Variants in AGBL5 observed in about 807,000 individuals in gnomAD.
AGBL5 encodes the protein cytosolic carboxypeptidase-like protein 5.
Under a neutral mutation model 88.0 loss-of-function variants are expected in AGBL5, and 51 were observed. The observed-to-expected ratio is 0.58, with a 90% CI of 0.46 to 0.73. AGBL5 has a LOEUF of 0.73. Ranked by LOEUF, AGBL5 falls within the 30% of genes least tolerant of loss-of-function variation. The pLI is 0.00. For missense variants in AGBL5, 1,031 were observed against 1,162.2 expected, an observed-to-expected ratio of 0.89 and a Z score of 1.64; for synonymous variants, 446 against 438.8, an observed-to-expected ratio of 1.02 and a Z score of -0.21.
At chr2:27,063,331 G>A (rs868720989) in intron 11 of AGBL5, among the ~76,000 whole-genome samples, 16 of 152,306 alleles carry the variant, frequency 1.1e-4, no homozygotes, top group African/African-American at 3.4e-4. Context: ...GGTGGCTCAC[G>A]CCTGTAATCC....
At position 27,068,935 on chromosome 2, in the gene AGBL5, C is replaced by T. The variant is rs149610183; in HGVS notation, c.2355+191C>T. On this transcript the variant is annotated intron_variant, in intron 13 of 14. Coordinates refer to ENST00000360131, the MANE Select transcript of AGBL5 (RefSeq NM_021831.6). ...CCTGCCCTCCACCATCCCCATCAGC[C>T]AGGTCATTTGCTTGCTTTCAACCTG... The T allele has an allele frequency of 5.7e-4, 858 of 1,496,994 alleles. 5 individuals are homozygous for T. In the African/African-American group the frequency reaches 0.01, roughly 18 times the overall value. 92.7% of individuals were successfully genotyped at this position (1,496,994 alleles called of 1,614,324 possible).
In AGBL5 at chr2:27,057,408, C is replaced by T. The variant is rs1668493229; in HGVS notation, c.1641C>T (p.Pro547=). ...RASPPPPPAF[P]SRYTVELFEQ... Reference sequence around the variant, plus strand: ...GCCCCCCTCCCCCGCCGGCTTTCCCCTCCAGATACACTGTGGAACTATTTG... The same window carrying T: ...GCCCCCCTCCCCCGCCGGCTTTCCCTTCCAGATACACTGTGGAACTATTTG... Residue 547 remains proline, a synonymous_variant, in exon 9 of 15, where the codon CCC becomes CCT. Coordinates refer to ENST00000360131, the MANE Select transcript of AGBL5 (RefSeq NM_021831.6). The T allele has an allele frequency of 1.2e-6, 2 of 1,613,658 alleles. No homozygotes were observed.
Position 27,053,288 on chromosome 2 carries a change from C to T in AGBL5, c.216-114C>T. On this transcript the variant is annotated intron_variant, in intron 2 of 14. Coordinates refer to ENST00000360131, the MANE Select transcript of AGBL5 (RefSeq NM_021831.6). This position sits in a 1 kb window ranked among gnomAD's most constrained non-coding sequence, Gnocchi z 4.9. ...CCTGTCCATTTCTGACCCATCGTCC[C>T]TCCTTTCTCCTTGCCAAATAGCCCT... The T allele has an allele frequency of 6.6e-7, 1 of 1,524,480 alleles. No individual in the cohort carries two copies. Among genetic ancestry groups the T allele is most frequent in the Non-Finnish European group, 8.9e-7 (1 of 1,125,672 alleles). The allele number at this position is 1,524,480 out of a possible 1,614,324, so 94.4% of individuals were successfully genotyped here.
At chr2:27,054,238 A>G (rs1477185455) in intron 4 of AGBL5, 179 bp downstream of exon 4, 2 of 720,982 alleles carry the variant, frequency 2.8e-6, no homozygotes, top group Admixed American at 6.8e-5. Flanking sequence ...CCCTGATCTC[A>G]GCATATCGAC....
chr2:27,050,770 A>C (rs181485076), upstream of AGBL5, among the ~76,000 whole-genome samples: 2,307 of 152,084 alleles, frequency 0.015, 32 homozygotes, highest in South Asian at 0.043. Context: ...GCAGCATCTT[A>C]TCGCAGCGGA....
Position 27,052,908 on chromosome 2 carries a change from C to G in AGBL5, c.-46-5C>G, listed in dbSNP as rs373850491. 21 of 1,484,470 alleles carry G rather than the reference C, an allele frequency of 1.4e-5. No individual in the cohort carries two copies. The highest frequency in any genetic ancestry group is 1.8e-5 in the Non-Finnish European group (20 of 1,108,050). 92.0% of individuals were successfully genotyped at this position (1,484,470 alleles called of 1,614,324 possible). On this transcript the variant is annotated splice_polypyrimidine_tract_variant and splice_region_variant and intron_variant, in intron 1 of 14. Transcript: ENST00000360131. ...CTCCTTAACCTAACCCTTGTTTTCCCCCAGCTCTCAGGGCCAGAGCGGGGC... is the reference window on the plus strand; with the variant it reads ...CTCCTTAACCTAACCCTTGTTTTCCGCCAGCTCTCAGGGCCAGAGCGGGGC...
At position 27,054,742 on chromosome 2, in the gene AGBL5, C is replaced by G. The variant is rs756275091; in HGVS notation, c.664C>G (p.Pro222Ala). ...SCHGLREDREPRLEQLFPDTS... is the reference protein window; with the variant it reads ...SCHGLREDREARLEQLFPDTS... ...CCATGGGCTTCGAGAAGATCGAGAG[C>G]CCCGTCTAGAGCAGCTATTTCCTGA... The change falls in exon 5 of 15, where the codon CCC becomes GCC. Residue 222 changes from proline to alanine, a missense_variant. Physicochemically the swap from Pro to Ala is conservative, Grantham distance 27. This residue lies in a region of AGBL5 where 540 missense variants were observed against 678.2 expected (regional missense o/e 0.80). Coordinates refer to ENST00000360131, the MANE Select transcript of AGBL5 (RefSeq NM_021831.6). 70 of 1,613,840 alleles carry G rather than the reference C, an allele frequency of 4.3e-5. No homozygotes were observed. In the Admixed American group the frequency reaches 5.0e-4, roughly 12 times the overall value.
At chr2:27,060,867 A>G (rs1186711817) in intron 11 of AGBL5, among the ~76,000 whole-genome samples, 1 of 152,240 alleles carries the variant, frequency 6.6e-6, no homozygotes, top group Non-Finnish European at 1.5e-5. Flanking sequence ...AGATAATATC[A>G]TATATATAAA....
intron 12 of AGBL5, 95 bp from the exon 13 acceptor site, chr2:27,068,537 T>C (rs1669107712): frequency 1.2e-5 from 13 of 1,059,058 alleles, no homozygotes; most frequent in Middle Eastern, 2.0e-4. Flanking sequence ...CCAACCCAAA[T>C]TGTCAACGTG....
Position 27,057,801 on chromosome 2 carries a change from T to C in AGBL5, c.1671+363T>C, listed in dbSNP as rs367659128. 1.8e-4 allele frequency among the ~76,000 whole-genome samples: 28 copies of C among 152,234 alleles called. 1 individual carries two copies. In the South Asian group the frequency reaches 5.0e-3, roughly 27 times the overall value. On this transcript the variant is annotated intron_variant, in intron 9 of 14. Transcript: ENST00000360131. Reference sequence around the variant, plus strand: ...ATCCTAATAGAAAGAGCTGGCCAGGTGCGGTGGCTCATGCCTATAATCCCA... The same window carrying C: ...ATCCTAATAGAAAGAGCTGGCCAGGCGCGGTGGCTCATGCCTATAATCCCA...
chr2:27,069,453 C>T (rs1669165554), intron 13 of AGBL5, 120 bp from the exon 14 acceptor site: 8 of 1,520,978 alleles, frequency 5.3e-6, no homozygotes, highest in Non-Finnish European at 7.1e-6. Flanking sequence ...ATTCAATGTC[C>T]CAGTACCTCT....
rs759014967 is a variant in AGBL5, at chr2:27,055,173, G to A, written c.828G>A (p.Arg276=). The change falls in exon 6 of 15, where the codon CGG becomes CGA. Residue 276 remains arginine (R), a synonymous_variant. Coordinates refer to ENST00000360131, the MANE Select transcript of AGBL5 (RefSeq NM_021831.6). ...LDFILRPDDP[R]AQTLRRLFVF... is the part of the protein sequence containing the mutation. ...TCATCCTCCGACCTGATGATCCCCG[G>A]GCCCAAACCCTCCGTCGCCTCTTCG... 1.9e-6 allele frequency: 3 copies of A among 1,614,146 alleles called. No homozygotes were observed. In the Admixed American group the frequency reaches 5.0e-5, roughly 27 times the overall value.
At chr2:27,061,419 T>C (rs1214187154) in intron 11 of AGBL5, among the ~76,000 whole-genome samples, 1 of 152,138 alleles carries the variant, frequency 6.6e-6, no homozygotes, top group Non-Finnish European at 1.5e-5. Context: ...GTACTTTTAG[T>C]AGAGACGGGG....
chr2:27,067,739 A>C (rs770790358), intron 12 of AGBL5, 93 bp downstream of exon 12: 1 of 1,430,460 alleles, frequency 7.0e-7, no homozygotes, highest in South Asian at 1.2e-5. Context: ...CAGGGGCATC[A>C]CTTATCCTCT....
At chr2:27,050,875 G>C (rs551671765), upstream of AGBL5, 2 of 152,190 alleles carry the variant, frequency 1.3e-5, no homozygotes, top group Admixed American at 6.5e-5. Context: ...GAAGGACTTC[G>C]TCTGTAATTT....
Position 27,067,629 on chromosome 2 carries a change from A to G in AGBL5, c.2225A>G (p.Asp742Gly). 1 of 1,613,014 alleles carries G rather than the reference A, an allele frequency of 6.2e-7. No individual in the cohort carries two copies. ...SHKLGSCLLP[D>G]SFNIPGSSCS... ...AAGCTGGGCTCCTGTCTACTGCCTG[A>G]TTCATTCAACATACCAGGTCTGTAC... is the stretch of plus-strand genomic sequence containing the variant. Residue 742 changes from aspartate (D) to glycine (G), a missense_variant, in exon 12 of 15, where the codon GAT becomes GGT. This residue lies in a region of AGBL5 where 491 missense variants were observed against 484.0 expected (regional missense o/e 1.01). Transcript: ENST00000360131.
upstream of AGBL5, among the ~76,000 whole-genome samples, chr2:27,051,263 C>T (rs956909439): frequency 1.1e-4 from 17 of 152,276 alleles, no homozygotes; most frequent in South Asian, 2.1e-4. Context: ...CGAGAGGTAG[C>T]GGGATCGATG....
chr2:27,070,128 C>G lies in AGBL5; in HGVS notation c.2526C>G (p.Ala842=), dbSNP rs529554818. Residue 842 remains alanine (A), a synonymous_variant, in exon 15 of 15, where the codon GCC becomes GCG. Transcript: ENST00000360131. ...CCAGGCCCCCACGGCCCCGCTCTGC[C>G]CCTGCCTTTTCTCCTATATCCTGTA... The part of the protein sequence containing the change: ...PQARPPRPRS[A]PAFSPISCSL... The G allele has an allele frequency of 6.2e-7, 1 of 1,614,208 alleles. No homozygotes were observed. The highest frequency in any genetic ancestry group is 1.1e-5 in the South Asian group (1 of 91,088).
chr2:27,057,803 C>T (rs1350278860), intron 9 of AGBL5, among the ~76,000 whole-genome samples: 5 of 152,184 alleles, frequency 3.3e-5, no homozygotes, highest in African/African-American at 1.2e-4. Context: ...TGGCCAGGTG[C>T]GGTGGCTCAT....
Sources: allele counts gnomAD v4.1 joint callset (sites outside exome capture counted in the v4.1 genomes callset), GRCh38; gene constraint gnomAD v4.1.1; regional missense constraint gnomAD v4.1.1; non-coding constraint Gnocchi (gnomAD v3.1); transcripts MANE v1.5; gene names NCBI Gene and HGNC (gene_info 2026-07-23, HGNC 2026-07-21).